Variants in MTSS1 observed in about 807,000 individuals in gnomAD.
MTSS1 encodes the protein MTSS I-BAR domain containing 1.
A neutral mutation model predicts 79.0 loss-of-function variants in MTSS1; 18 were observed. That is an observed-to-expected ratio of 0.23 (90% CI 0.16 to 0.34). The LOEUF is 0.34. Ranked by LOEUF, MTSS1 falls within the 10% of genes least tolerant of loss-of-function variation. The pLI is 1.00. For synonymous variants in MTSS1, 341 were observed against 368.6 expected (o/e 0.93, Z 0.86); for missense variants, 815 against 986.2 (o/e 0.83, Z 2.33).
At chr8:124,643,209 CAT>C (rs985581206) in intron 3 of MTSS1, among the ~76,000 whole-genome samples, 18 of 152,112 alleles carry the variant, frequency 1.2e-4, no homozygotes, top group Non-Finnish European at 2.4e-4. Flanking sequence ...GGCAATCCCA[CAT>C]GAGGACTCCA....
chr8:124,727,439 T>A lies in MTSS1; in HGVS notation c.72+445A>T. The A allele has an allele frequency of 2.4e-6, 1 of 416,766 alleles. No individual in the cohort carries two copies. Among genetic ancestry groups the A allele is most frequent in the Non-Finnish European group, 4.8e-6 (1 of 208,712 alleles). 25.8% of individuals were successfully genotyped at this position (416,766 alleles called of 1,614,324 possible). A position where few individuals can be genotyped will look rare whatever the true frequency, so the allele number is the denominator to read the frequency against. ...TCAGTCTCCTAGGCTAGGGGACTCC[T>A]TCCTGCGAGCGGGCAGAGCCCCCAC... On this transcript the variant is annotated intron_variant, in intron 1 of 13. Transcript: ENST00000518547. This position sits in a 1 kb window ranked among gnomAD's most constrained non-coding sequence, Gnocchi z 4.7.
intron 3 of MTSS1, among the ~76,000 whole-genome samples, chr8:124,643,698 CAAAAAAA>C (rs11323836): frequency 6.0e-5 from 4 of 66,920 alleles, no homozygotes; most frequent in Non-Finnish European, 8.5e-5. Context: ...AATTCCGTCT[CAAAAAAA>C]AAAAAAAAAA....
intron 3 of MTSS1, among the ~76,000 whole-genome samples, chr8:124,600,766 C>A (rs560589719): frequency 7.9e-5 from 12 of 152,338 alleles, no homozygotes; most frequent in African/African-American, 2.9e-4. Context: ...GTGCAAAGGG[C>A]AGCTTTCAAG....
chr8:124,602,292 T>C (rs1307029447), intron 3 of MTSS1, among the ~76,000 whole-genome samples: 2 of 150,618 alleles, frequency 1.3e-5, no homozygotes, highest in African/African-American at 4.9e-5. Flanking sequence ...CTCCGCCTCC[T>C]GGGTGCAAGC....
chr8:124,694,853 C>T (rs961484614), intron 3 of MTSS1, among the ~76,000 whole-genome samples: 1 of 152,116 alleles, frequency 6.6e-6, no homozygotes, highest in Admixed American at 6.5e-5. Flanking sequence ...TTCAATAATA[C>T]AGAAAATCGT....
At chr8:124,651,455 T>C (rs1021594706) in intron 3 of MTSS1, among the ~76,000 whole-genome samples, 1 of 151,736 alleles carries the variant, frequency 6.6e-6, no homozygotes, top group African/African-American at 2.4e-5. Context: ...ATGGTCTTTT[T>C]TTTTTTGGTG....
At chr8:124,605,311 T>C (rs1834605927) in intron 3 of MTSS1, among the ~76,000 whole-genome samples, 2 of 152,218 alleles carry the variant, frequency 1.3e-5, no homozygotes, top group South Asian at 4.1e-4. Flanking sequence ...CACATGTCAT[T>C]TTCTTAGTTC....
At chr8:124,666,946 G>A (rs898120680) in intron 3 of MTSS1, among the ~76,000 whole-genome samples, 1 of 152,124 alleles carries the variant, frequency 6.6e-6, no homozygotes, top group African/African-American at 2.4e-5. Context: ...AGAAGCCAGC[G>A]GGAATAAGGA....
intron 3 of MTSS1, among the ~76,000 whole-genome samples, chr8:124,661,323 G>T (rs1423793050): frequency 3.4e-5 from 5 of 146,172 alleles, no homozygotes; most frequent in African/African-American, 1.3e-4. Context: ...TTTCTTCTAG[G>T]TTTTTTTTTT....
intron 3 of MTSS1, among the ~76,000 whole-genome samples, chr8:124,650,031 T>C (rs1448477236): frequency 1.5e-5 from 2 of 133,418 alleles, no homozygotes; most frequent in Non-Finnish European, 3.1e-5. Context: ...CTGAAGAGCC[T>C]TTTTTTTTTT....
At chr8:124,556,596 CCCCTGTGTA>C (rs1415764204) in intron 11 of MTSS1, 191 bp from the exon 12 acceptor site, 1 of 626,256 alleles carries the variant, frequency 1.6e-6, no homozygotes, top group Non-Finnish European at 2.7e-6. Flanking sequence ...CTTTGGGAGC[CCCCTGTGTA>C]CCTCCCTTTT....
At chr8:124,650,456 A>G (rs1819751002) in intron 3 of MTSS1, among the ~76,000 whole-genome samples, 1 of 152,202 alleles carries the variant, frequency 6.6e-6, no homozygotes, top group Non-Finnish European at 1.5e-5. Flanking sequence ...TCATCCATAT[A>G]TGGCGCAGGG....
At chr8:124,623,327 T>C (rs1813986892) in intron 3 of MTSS1, among the ~76,000 whole-genome samples, 1 of 152,248 alleles carries the variant, frequency 6.6e-6, no homozygotes, top group African/African-American at 2.4e-5. Flanking sequence ...TTTTTTCCAG[T>C]AAGGTATTGA....
In MTSS1 at chr8:124,722,930, G is replaced by T. The variant is rs113719170; in HGVS notation, c.72+4954C>A. The stretch of plus-strand genomic sequence containing the variant: ...TACAGAAGGAATCTTGCCAGCTATC[G>T]CCACCCATGCCCGTGAAGATGGAAA... On this transcript the variant is annotated intron_variant, in intron 1 of 13. Transcript: ENST00000518547. Among the ~76,000 whole-genome samples, 43 of 152,236 alleles carry T rather than the reference G, an allele frequency of 2.8e-4. 2 individuals are homozygous for T. Among genetic ancestry groups the T allele is most frequent in the African/African-American group, 9.6e-4 (40 of 41,542 alleles).
chr8:124,721,316 C>T (rs931784596), intron 1 of MTSS1, among the ~76,000 whole-genome samples: 7 of 151,360 alleles, frequency 4.6e-5, no homozygotes, highest in Admixed American at 2.0e-4. Context: ...AAAATCACAA[C>T]GGACAGAATC....
At chr8:124,707,374 C>A (rs1224232089) in intron 1 of MTSS1, among the ~76,000 whole-genome samples, 3 of 147,918 alleles carry the variant, frequency 2.0e-5, no homozygotes, top group Non-Finnish European at 4.4e-5. Context: ...TGGCGAGACC[C>A]CATTTCTACT....
intron 3 of MTSS1, among the ~76,000 whole-genome samples, chr8:124,691,978 G>A (rs953717724): frequency 1.3e-5 from 2 of 151,534 alleles, no homozygotes; most frequent in African/African-American, 4.9e-5. Flanking sequence ...AGTTTGGTAA[G>A]TAGTAATAAG....
chr8:124,727,537 C>A lies in MTSS1; in HGVS notation c.72+347G>T, dbSNP rs960588818. The stretch of plus-strand genomic sequence containing the variant: ...ATCAGGTGTCCTCCCGGGCATCCAG[C>A]CCCCGCGGGTCCCAGACACTTACTT... On this transcript the variant is annotated intron_variant, in intron 1 of 13. Coordinates refer to ENST00000518547, the MANE Select transcript of MTSS1 (RefSeq NM_014751.6). The surrounding 1 kb of genome is among the most constrained non-coding windows in gnomAD (Gnocchi z 4.7). The A allele has an allele frequency of 1.7e-5, 8 of 480,736 alleles. No homozygotes were observed. Among genetic ancestry groups the A allele is most frequent in the South Asian group, 1.2e-4 (8 of 64,560 alleles). 29.8% of individuals were successfully genotyped at this position (480,736 alleles called of 1,614,324 possible). A position where few individuals can be genotyped will look rare whatever the true frequency, so the allele number is the denominator to read the frequency against.
Position 124,556,563 on chromosome 8 carries a change from C to T in MTSS1, c.1231-158G>A, listed in dbSNP as rs3116129. 3.8e-6 allele frequency: 3 copies of T among 791,796 alleles called. No individual in the cohort carries two copies. In the African/African-American group the frequency reaches 5.2e-5, roughly 14 times the overall value. 49.0% of individuals were successfully genotyped at this position (791,796 alleles called of 1,614,324 possible). On this transcript the variant is annotated intron_variant, in intron 11 of 13. Coordinates refer to ENST00000518547, the MANE Select transcript of MTSS1 (RefSeq NM_014751.6). ...GCCCTCTGCATGCCCTCTCCAGGCT[C>T]TAAAGGGCAAGGAATGGAAACCCTT...
Sources: gnomAD v4.1 joint callset for allele counts (sites outside exome capture counted in the v4.1 genomes callset) on GRCh38, gnomAD v4.1.1 for gene constraint, Gnocchi (gnomAD v3.1) non-coding constraint, MANE v1.5 for transcripts, NCBI Gene and HGNC (gene_info 2026-07-23, HGNC 2026-07-21) for gene names.